GNG7: variants seen among roughly 807,000 people sequenced by gnomAD.
GNG7 encodes the protein G protein subunit gamma 7.
GNG7 carries 1 observed loss-of-function variant against 4.0 expected under a neutral mutation model. The ratio of observed to expected loss-of-function variants is 0.25; its 90% confidence interval spans 0.09 to 1.18. The LOEUF is 1.18. Ranked by LOEUF, GNG7 falls within the 50% of genes most tolerant of loss-of-function variation. The pLI is 0.50. For synonymous variants in GNG7, 34 were observed against 36.9 expected (o/e 0.92, Z 0.29); for missense variants, 86 against 91.9 (o/e 0.94, Z 0.26).
In GNG7 at chr19:2,568,608, CACAT is replaced by C. The variant is rs200961194; in HGVS notation, c.-77-13424_-77-13421del. Among the ~76,000 whole-genome samples the C allele has an allele frequency of 8.8e-3, 1,332 of 151,944 alleles. 17 individuals are homozygous for C. Among genetic ancestry groups the C allele is most frequent in the African/African-American group, 0.031 (1,266 of 41,438 alleles). ...AAATACACACATATATAGACATACA[CACAT>C]ATATACACATACACACATATATACA... On this transcript the variant is annotated intron_variant, in intron 2 of 4. Transcript: ENST00000382159.
At position 2,666,341 on chromosome 19, in the gene GNG7, T is replaced by G. The variant is rs917873926; in HGVS notation, c.-134-20061A>C. On this transcript the variant is annotated intron_variant, in intron 1 of 4. Transcript: ENST00000382159. ...GCACCTGCCAACATGCCCGGCTAAT[T>G]TCTGTATTTTTAGTAGAGATGGGGT... Among the ~76,000 whole-genome samples the G allele has an allele frequency of 1.2e-4, 18 of 151,872 alleles. 2 individuals carry two copies. The highest frequency in any genetic ancestry group is 8.5e-4 in the Admixed American group (13 of 15,218).
intron 2 of GNG7, among the ~76,000 whole-genome samples, chr19:2,632,354 G>A (rs1209815644): frequency 1.3e-5 from 2 of 151,690 alleles, no homozygotes; most frequent in South Asian, 2.1e-4. Context: ...GCTTGAACCC[G>A]GGAGGTGGAG....
intron 2 of GNG7, among the ~76,000 whole-genome samples, chr19:2,605,599 T>C (rs545263845): frequency 6.3e-5 from 9 of 142,138 alleles, no homozygotes; most frequent in Middle Eastern, 4.1e-3. Context: ...CTGCAACCTC[T>C]GCCTCCTCAG....
rs558360301 is a variant in GNG7 at position 2,665,446 on chromosome 19, G to A, written c.-134-19166C>T. 1.1e-4 allele frequency among the ~76,000 whole-genome samples: 17 copies of A among 152,100 alleles called. No individual in the cohort carries two copies. In the East Asian group the frequency reaches 1.2e-3, roughly 10 times the overall value. On this transcript the variant is annotated intron_variant, in intron 1 of 4. Transcript: ENST00000382159. The stretch of plus-strand genomic sequence containing the variant: ...TTGGAACTGGAATGTCTGGTGAGAC[G>A]GGCAACAAGGATTTGGGAAGAGGGC...
At chr19:2,590,492 T>A (rs904499013) in intron 2 of GNG7, among the ~76,000 whole-genome samples, 2 of 151,646 alleles carry the variant, frequency 1.3e-5, no homozygotes, top group Non-Finnish European at 2.9e-5. Flanking sequence ...TGTTCATCCA[T>A]CCATCCATCC....
intron 2 of GNG7, among the ~76,000 whole-genome samples, chr19:2,636,969 T>G (rs1252595507): frequency 6.6e-6 from 1 of 151,084 alleles, no homozygotes; most frequent in Non-Finnish European, 1.5e-5. Context: ...TGCGCCCACC[T>G]GCACTTCCGT....
At chr19:2,650,085 TG>T (rs1162480155) in intron 1 of GNG7, among the ~76,000 whole-genome samples, 4 of 152,172 alleles carry the variant, frequency 2.6e-5, no homozygotes, top group Non-Finnish European at 4.4e-5. Context: ...TGGAAGGACG[TG>T]TTTTTTAAAT....
At chr19:2,573,500 G>A (rs1342601158) in intron 2 of GNG7, among the ~76,000 whole-genome samples, 2 of 152,092 alleles carry the variant, frequency 1.3e-5, no homozygotes, top group South Asian at 2.1e-4. Flanking sequence ...CTGCTTCTGC[G>A]CTATCTGTGG....
At chr19:2,579,350 G>A (rs1019298307) in intron 2 of GNG7, among the ~76,000 whole-genome samples, 2 of 152,244 alleles carry the variant, frequency 1.3e-5, no homozygotes, top group Admixed American at 6.5e-5. Flanking sequence ...GCCAGGGCGG[G>A]CGGGCAGGAG....
chr19:2,600,466 G>C (rs1338845724), intron 2 of GNG7, among the ~76,000 whole-genome samples: 1 of 125,608 alleles, frequency 8.0e-6, no homozygotes, highest in African/African-American at 3.0e-5. Flanking sequence ...GAGTATCTTG[G>C]CATTTTTTTT....
At chr19:2,552,572 A>G (rs2144758934) in intron 3 of GNG7, among the ~76,000 whole-genome samples, 1 of 151,744 alleles carries the variant, frequency 6.6e-6, no homozygotes, top group South Asian at 2.1e-4. Context: ...TTTAGTAGAG[A>G]TGAGGTTTCA....
chr19:2,655,200 A>C (rs1317060155), intron 1 of GNG7, among the ~76,000 whole-genome samples: 1 of 150,516 alleles, frequency 6.6e-6, no homozygotes, highest in Non-Finnish European at 1.5e-5. Context: ...AAAAAAAAAA[A>C]AAAAACCACA....
At chr19:2,689,926 C>A (rs1913095310) in intron 1 of GNG7, among the ~76,000 whole-genome samples, 1 of 152,152 alleles carries the variant, frequency 6.6e-6, no homozygotes, top group Admixed American at 6.6e-5. Flanking sequence ...ACCATGGTAG[C>A]AGAATACACA....
chr19:2,684,241 A>G (rs1983815466), intron 1 of GNG7, among the ~76,000 whole-genome samples: 1 of 151,320 alleles, frequency 6.6e-6, no homozygotes, highest in African/African-American at 2.4e-5. Context: ...GGTTCAAGCA[A>G]TTCTCCTGCC....
chr19:2,672,832 C>T (rs1983489764), intron 1 of GNG7, among the ~76,000 whole-genome samples: 1 of 152,154 alleles, frequency 6.6e-6, no homozygotes, highest in South Asian at 2.1e-4. Flanking sequence ...ATGTCAACAC[C>T]ACCAGTGTGG....
intron 2 of GNG7, among the ~76,000 whole-genome samples, chr19:2,596,436 G>A (rs1981023333): frequency 6.6e-6 from 1 of 152,030 alleles, no homozygotes; most frequent in African/African-American, 2.4e-5. Flanking sequence ...AAAGGCTGAG[G>A]CAGGAAAATC....
rs775626448 is a variant in GNG7 at position 2,634,313 on chromosome 19, C to T, written c.-78+11911G>A. ...GGTGCTGAGCAGTATCCCTGGCCTC[C>T]ACCCACTCCATGCCAGGAGCTCCCC... On this transcript the variant is annotated intron_variant, in intron 2 of 4. Coordinates refer to ENST00000382159, the MANE Select transcript of GNG7 (RefSeq NM_052847.3). The surrounding 1 kb of genome is among the most constrained non-coding windows in gnomAD (Gnocchi z 5.3). 2.0e-4 allele frequency among the ~76,000 whole-genome samples: 30 copies of T among 152,334 alleles called. No homozygotes were observed. Among genetic ancestry groups the T allele is most frequent in the Non-Finnish European group, 3.7e-4 (25 of 68,032 alleles).
intron 2 of GNG7, among the ~76,000 whole-genome samples, chr19:2,594,663 C>T (rs906328935): frequency 6.6e-6 from 1 of 152,066 alleles, no homozygotes; most frequent in Non-Finnish European, 1.5e-5. Flanking sequence ...CCTGTAGAAC[C>T]TTCAGAATGT....
intron 3 of GNG7, among the ~76,000 whole-genome samples, chr19:2,532,835 C>T (rs1978637452): frequency 6.6e-6 from 1 of 152,122 alleles, no homozygotes; most frequent in African/African-American, 2.4e-5. Context: ...AGGCATCATC[C>T]ATTACTGACA....
Sources: allele counts gnomAD v4.1 joint callset (sites outside exome capture counted in the v4.1 genomes callset), GRCh38; gene constraint gnomAD v4.1.1; non-coding constraint Gnocchi (gnomAD v3.1); transcripts MANE v1.5; gene names NCBI Gene and HGNC (gene_info 2026-07-23, HGNC 2026-07-21).